KIZ: variants seen among roughly 807,000 people sequenced by gnomAD.
KIZ encodes kizuna centrosomal protein, also known as centrosomal protein kizuna.
In KIZ, 68 loss-of-function variants were observed where a neutral mutation model predicts 79.6. The ratio of observed to expected loss-of-function variants is 0.85; its 90% CI spans 0.70 to 1.05. KIZ has a LOEUF of 1.05. Among genes scored for constraint, KIZ ranks in the 50% least tolerant of loss-of-function variants. KIZ has a pLI of 0.00. For missense variants in KIZ, 797 were observed against 800.4 expected (o/e 1.00, Z 0.05); for synonymous variants, 280 against 281.8 (o/e 0.99, Z 0.06).
At position 21,136,574 on chromosome 20, in the gene KIZ, T is replaced by C. The variant is rs750459075; in HGVS notation, c.315+22T>C. 12 of 1,497,456 alleles carry C rather than the reference T, an allele frequency of 8.0e-6. No individual in the cohort carries two copies. In the African/African-American group the frequency reaches 1.6e-4, roughly 20 times the overall value. 92.8% of individuals were successfully genotyped at this position (1,497,456 alleles called of 1,614,324 possible). A position where few individuals can be genotyped will look rare whatever the true frequency, so the allele number is the denominator to read the frequency against. ...GAAGGTGACTTCCTGTTTTTTACTG[T>C]GTTTTATTTTATTTGTTGTTGTGTG... On this transcript the variant is annotated intron_variant, in intron 3 of 12. Transcript: ENST00000619189.
intron 4 of KIZ, among the ~76,000 whole-genome samples, chr20:21,158,902 T>A (rs1384911130): frequency 1.3e-5 from 2 of 152,150 alleles, no homozygotes; most frequent in African/African-American, 4.8e-5. Flanking sequence ...CAAGCAGTTC[T>A]CCTGCCTCAG....
intron 3 of KIZ, among the ~76,000 whole-genome samples, chr20:21,139,361 G>A (rs567962206): frequency 6.6e-6 from 1 of 152,138 alleles, no homozygotes; most frequent in Non-Finnish European, 1.5e-5. Flanking sequence ...ATGGAGAGGG[G>A]TATTTAGAAA....
chr20:21,140,844 T>G (rs1345462819), intron 3 of KIZ, among the ~76,000 whole-genome samples: 1 of 151,802 alleles, frequency 6.6e-6, no homozygotes, highest in African/African-American at 2.4e-5. Flanking sequence ...ATTTAAAAAT[T>G]AAATTTAAAA....
chr20:21,181,999 G>A (rs960163115), intron 6 of KIZ, among the ~76,000 whole-genome samples: 2 of 152,172 alleles, frequency 1.3e-5, no homozygotes, highest in East Asian at 3.8e-4. Flanking sequence ...CCATTTCCCT[G>A]CTCTGACATC....
At chr20:21,245,018 G>A (rs577860062) in intron 12 of KIZ, 3 of 152,388 alleles carry the variant, frequency 2.0e-5, no homozygotes, top group South Asian at 2.1e-4. Context: ...CCCAACTCAC[G>A]GGAAAAATCT....
intron 9 of KIZ, among the ~76,000 whole-genome samples, chr20:21,228,187 T>C (rs1361831576): frequency 6.6e-6 from 1 of 152,222 alleles, no homozygotes; most frequent in African/African-American, 2.4e-5. Context: ...CCTTTTGTGT[T>C]ACATTGAAGA....
chr20:21,140,628 T>C (rs1386850412), intron 3 of KIZ, among the ~76,000 whole-genome samples: 2 of 152,196 alleles, frequency 1.3e-5, no homozygotes, highest in African/African-American at 2.4e-5. Flanking sequence ...TACAGTGTTA[T>C]ATCTATGCTG....
In KIZ at chr20:21,161,986, G is replaced by A. The variant is rs765493195; in HGVS notation, c.521G>A (p.Ser174Asn). The A allele has an allele frequency of 6.2e-7, 1 of 1,613,968 alleles. No individual in the cohort carries two copies. The highest frequency in any genetic ancestry group is 8.5e-7 in the Non-Finnish European group (1 of 1,179,874). Residue 174 changes from serine to asparagine, a missense_variant, in exon 5 of 13, where the codon AGT (serine) becomes AAT (asparagine). Transcript: ENST00000619189. Reference protein sequence around the residue: ...MSAILSMRDFSTEHKSPQPTK... With the variant: ...MSAILSMRDFNTEHKSPQPTK... Reference sequence around the variant, plus strand: ...GCCATCTTAAGCATGAGAGATTTCAGTACAGAGCACAAATCTCCCCAGCCC... The same window carrying A: ...GCCATCTTAAGCATGAGAGATTTCAATACAGAGCACAAATCTCCCCAGCCC...
rs773959105 is a variant in KIZ, at chr20:21,232,810, T to A, written c.1860T>A (p.Ser620Arg). The change falls in exon 11 of 13, where the codon AGT (serine) becomes AGA (arginine). Residue 620 changes from serine (S) to arginine (R), a missense_variant. Coordinates refer to ENST00000619189, the MANE Select transcript of KIZ (RefSeq NM_018474.6). ...CTTCGGAAGCTAGTTTTTCATCTAGTGAAGGAAGTCCTTTGTCAAGGTAAA... is the reference window on the plus strand; with the variant it reads ...CTTCGGAAGCTAGTTTTTCATCTAGAGAAGGAAGTCCTTTGTCAAGGTAAA... ...KIASEASFSS[S>R]EGSPLSRHEN... The A allele has an allele frequency of 6.4e-7, 1 of 1,550,650 alleles. No homozygotes were observed. The highest frequency in any genetic ancestry group is 1.8e-5 in the Admixed American group (1 of 56,404).
At chr20:21,169,482 G>A (rs1341467674) in intron 6 of KIZ, among the ~76,000 whole-genome samples, 1 of 152,218 alleles carries the variant, frequency 6.6e-6, no homozygotes, top group Non-Finnish European at 1.5e-5. Context: ...CTATTGATGG[G>A]AGTGTAAACT....
intron 9 of KIZ, 85 bp downstream of exon 9, chr20:21,215,733 A>C: frequency 2.4e-6 from 2 of 832,240 alleles, no homozygotes; most frequent in Non-Finnish European, 4.0e-6. Flanking sequence ...TGGTTTGTGG[A>C]CCCCACTAAG....
Position 21,185,803 on chromosome 20 carries a change from C to G in KIZ, c.1353-19688C>G, listed in dbSNP as rs186156756. ...CCTGGCTCACCACAGCCTCAACCTC[C>G]CAGGTTCAAGCAGTTCTCCTGCCTC... On this transcript the variant is annotated intron_variant, in intron 6 of 12. Coordinates refer to ENST00000619189, the MANE Select transcript of KIZ (RefSeq NM_018474.6). Among the ~76,000 whole-genome samples the G allele has an allele frequency of 7.2e-5, 11 of 151,840 alleles. No individual in the cohort carries two copies. In the East Asian group the frequency reaches 2.1e-3, roughly 30 times the overall value.
intron 9 of KIZ, among the ~76,000 whole-genome samples, chr20:21,221,787 G>A (rs2036509317): frequency 1.3e-5 from 2 of 152,194 alleles, no homozygotes; most frequent in Non-Finnish European, 2.9e-5. Flanking sequence ...GAAAGATATA[G>A]TGGCTAGGTT....
intron 6 of KIZ, among the ~76,000 whole-genome samples, chr20:21,172,066 C>T (rs562980083): frequency 7.7e-4 from 117 of 152,344 alleles, no homozygotes; most frequent in Middle Eastern, 6.8e-3. Flanking sequence ...CCCAGCCACT[C>T]CTTGCCTGCT....
At chr20:21,211,500 A>G (rs1298076727) in intron 7 of KIZ, among the ~76,000 whole-genome samples, 2 of 152,236 alleles carry the variant, frequency 1.3e-5, no homozygotes, top group African/African-American at 4.8e-5. Context: ...ATAACAGGTA[A>G]GTTGAAACCC....
chr20:21,126,052 C>G (rs896673495), upstream of KIZ: 2 of 1,411,386 alleles, frequency 1.4e-6, no homozygotes, highest in Non-Finnish European at 9.2e-7. Context: ...GGGGCGGTCT[C>G]CTTCGGCAAC....
At chr20:21,196,639 C>T (rs1379202878) in intron 6 of KIZ, 1 of 152,236 alleles carries the variant, frequency 6.6e-6, no homozygotes, top group East Asian at 1.9e-4. Context: ...AGTCTGGAAG[C>T]TTTGGGGCAG....
intron 6 of KIZ, among the ~76,000 whole-genome samples, chr20:21,164,885 G>T (rs2033858102): frequency 6.6e-6 from 1 of 152,058 alleles, no homozygotes; most frequent in Non-Finnish European, 1.5e-5. Context: ...TTCTGTGTCT[G>T]TATTATCAAA....
chr20:21,168,114 C>A (rs1600436499), intron 6 of KIZ, among the ~76,000 whole-genome samples: 1 of 152,096 alleles, frequency 6.6e-6, no homozygotes, highest in South Asian at 2.1e-4. Flanking sequence ...TGCTCCCCTT[C>A]CTGTGTCCAT....
Sources: allele counts gnomAD v4.1 joint callset (sites outside exome capture counted in the v4.1 genomes callset), GRCh38; gene constraint gnomAD v4.1.1; transcripts MANE v1.5; gene names NCBI Gene and HGNC (gene_info 2026-07-23, HGNC 2026-07-21).